Variants in PPP3CA observed in about 807,000 individuals in gnomAD.
PPP3CA encodes protein phosphatase 3 catalytic subunit alpha.
PPP3CA carries 14 observed loss-of-function variants against 66.5 expected under a neutral mutation model. The observed-to-expected ratio is 0.21, with a 90% CI of 0.14 to 0.33. The LOEUF (loss-of-function observed/expected upper bound fraction) is 0.33, where lower values mean the gene tolerates loss of function less well. PPP3CA is among the 10% of genes least tolerant of loss of function. The pLI, the probability that PPP3CA is intolerant of heterozygous loss-of-function variation, is 1.00. For synonymous variants in PPP3CA, 232 were observed against 226.2 expected (o/e 1.03, Z -0.23); for missense variants, 317 against 639.5 (o/e 0.50, Z 5.44).
chr4:101,279,441 A>C (rs187458352), intron 1 of PPP3CA, among the ~76,000 whole-genome samples: 9 of 152,344 alleles, frequency 5.9e-5, no homozygotes, highest in African/African-American at 1.9e-4. Flanking sequence ...GACCAACATC[A>C]GATACCTGAC....
chr4:101,312,460 G>GT (rs1728757746), intron 1 of PPP3CA, among the ~76,000 whole-genome samples: 2 of 151,738 alleles, frequency 1.3e-5, no homozygotes, highest in Non-Finnish European at 2.9e-5. Flanking sequence ...TGGGAGAAGA[G>GT]TTTTTACCTA....
At chr4:101,109,630 C>T (rs1206804116) in intron 2 of PPP3CA, among the ~76,000 whole-genome samples, 1 of 126,792 alleles carries the variant, frequency 7.9e-6, no homozygotes, top group African/African-American at 3.0e-5. Context: ...TTGTAAGACA[C>T]ATCATTAGTT....
chr4:101,342,893 G>A (rs932368687), intron 1 of PPP3CA, among the ~76,000 whole-genome samples: 2 of 152,104 alleles, frequency 1.3e-5, no homozygotes, highest in Admixed American at 1.3e-4. Context: ...AATACTAGTG[G>A]CTGGAATCCT....
chr4:101,239,534 G>T (rs1366251332), intron 1 of PPP3CA, among the ~76,000 whole-genome samples: 1 of 151,970 alleles, frequency 6.6e-6, no homozygotes, highest in Non-Finnish European at 1.5e-5. Context: ...TCACAATTTG[G>T]AAGCAAGAAG....
chr4:101,206,542 G>A (rs917371455), intron 1 of PPP3CA, among the ~76,000 whole-genome samples: 1 of 152,194 alleles, frequency 6.6e-6, no homozygotes, highest in African/African-American at 2.4e-5. Context: ...GAAAGAGATT[G>A]CTGGAATTAT....
At chr4:101,167,630 A>T (rs1723734861) in intron 2 of PPP3CA, among the ~76,000 whole-genome samples, 3 of 152,190 alleles carry the variant, frequency 2.0e-5, no homozygotes, top group Admixed American at 2.0e-4. Context: ...ATTATAATCT[A>T]GGGGTGATAA....
chr4:101,248,899 G>A (rs1726577404), intron 1 of PPP3CA, among the ~76,000 whole-genome samples: 1 of 152,118 alleles, frequency 6.6e-6, no homozygotes, highest in African/African-American at 2.4e-5. Flanking sequence ...GGTGGCTCAC[G>A]CCTGTAATCC....
chr4:101,171,567 G>T (rs1484515703), intron 2 of PPP3CA, among the ~76,000 whole-genome samples: 1 of 151,954 alleles, frequency 6.6e-6, no homozygotes, highest in African/African-American at 2.4e-5. Flanking sequence ...TCCCCATTCT[G>T]CAGGAAACTG....
chr4:101,210,933 G>GT (rs1353612093), intron 1 of PPP3CA, among the ~76,000 whole-genome samples: 5 of 152,136 alleles, frequency 3.3e-5, no homozygotes, highest in Non-Finnish European at 7.3e-5. Context: ...CTCAAAGAGA[G>GT]TAAGAGTAGT....
chr4:101,327,213 TCTTA>T (rs1210318483), intron 1 of PPP3CA, among the ~76,000 whole-genome samples: 1 of 152,162 alleles, frequency 6.6e-6, no homozygotes, highest in East Asian at 1.9e-4. Context: ...TGGAGAACAG[TCTTA>T]CTTCTGTCCA....
intron 2 of PPP3CA, among the ~76,000 whole-genome samples, chr4:101,150,582 C>G (rs1723105860): frequency 6.6e-6 from 1 of 152,146 alleles, no homozygotes; most frequent in African/African-American, 2.4e-5. Context: ...ATGATATAGA[C>G]TGGTATGACA....
At chr4:101,117,112 GATAA>G (rs1220031559) in intron 2 of PPP3CA, among the ~76,000 whole-genome samples, 1 of 151,704 alleles carries the variant, frequency 6.6e-6, no homozygotes, top group South Asian at 2.1e-4. Context: ...GTTTTATGAA[GATAA>G]ATAAACTGTT....
At chr4:101,152,853 T>A (rs1336661690) in intron 2 of PPP3CA, among the ~76,000 whole-genome samples, 1 of 152,128 alleles carries the variant, frequency 6.6e-6, no homozygotes, top group African/African-American at 2.4e-5. Context: ...AATCTAAGTG[T>A]ACTAGTCTCA....
intron 10 of PPP3CA, among the ~76,000 whole-genome samples, chr4:101,052,214 A>G (rs1218445414): frequency 6.6e-6 from 1 of 152,110 alleles, no homozygotes; most frequent in Non-Finnish European, 1.5e-5. Context: ...ATTGTGACCA[A>G]AGATAAAAGG....
At chr4:101,054,808 T>G (rs1728160231) in intron 10 of PPP3CA, among the ~76,000 whole-genome samples, 2 of 152,222 alleles carry the variant, frequency 1.3e-5, no homozygotes, top group Non-Finnish European at 2.9e-5. Flanking sequence ...TTCACTTGCT[T>G]ATGGTTAACA....
At chr4:101,047,973 T>C (rs895590157) in intron 10 of PPP3CA, among the ~76,000 whole-genome samples, 4 of 152,096 alleles carry the variant, frequency 2.6e-5, no homozygotes, top group South Asian at 2.1e-4. Flanking sequence ...TAAAATTTTA[T>C]TGGAATGCAT....
At chr4:101,083,397 T>TA (rs1253738651) in intron 6 of PPP3CA, 134 bp from the exon 7 acceptor site, 1 of 784,200 alleles carries the variant, frequency 1.3e-6, no homozygotes, top group Non-Finnish European at 2.0e-6. Flanking sequence ...ACAAGCCTCT[T>TA]GACTCTAAGG....
intron 1 of PPP3CA, among the ~76,000 whole-genome samples, chr4:101,217,565 TA>T (rs1206904777): frequency 6.6e-6 from 1 of 152,098 alleles, no homozygotes; most frequent in African/African-American, 2.4e-5. Flanking sequence ...ACCGACTACA[TA>T]GGTGTGGGCA....
At chr4:101,144,019 A>G (rs1404403627) in intron 2 of PPP3CA, among the ~76,000 whole-genome samples, 1 of 152,038 alleles carries the variant, frequency 6.6e-6, no homozygotes, top group Admixed American at 6.6e-5. Flanking sequence ...TTCTCTTTCC[A>G]CTCATCACCC....
Sources: allele counts gnomAD v4.1 joint callset (sites outside exome capture counted in the v4.1 genomes callset), GRCh38; gene constraint gnomAD v4.1.1; transcripts MANE v1.5; gene names NCBI Gene and HGNC (gene_info 2026-07-23, HGNC 2026-07-21).